Variants in SLFN12 observed in about 807,000 individuals in gnomAD.
The protein encoded by SLFN12 is ribonuclease SLFN12.
SLFN12 carries 25 observed loss-of-function variants against 29.1 expected under a neutral mutation model. The ratio of observed to expected loss-of-function variants is 0.86; its 90% confidence interval spans 0.63 to 1.20. The LOEUF (loss-of-function observed/expected upper bound fraction) is 1.20. SLFN12 is among the 50% of genes most tolerant of loss of function. The pLI, the probability that SLFN12 is intolerant of heterozygous loss-of-function variation, is 0.00. For synonymous variants in SLFN12, 257 were observed against 238.7 expected (o/e 1.08, Z -0.71); for missense variants, 660 against 666.2 (o/e 0.99, Z 0.10).
intron 1 of SLFN12, among the ~76,000 whole-genome samples, chr17:35,424,626 T>C (rs1202507501): frequency 1.3e-5 from 2 of 152,152 alleles, no homozygotes; most frequent in African/African-American, 4.8e-5. Context: ...GTCAGAATAT[T>C]CCTGTCCACA....
rs187730685 is a variant in SLFN12 at position 35,431,032 on chromosome 17, T to C, written c.-41+1156A>G. 1.1e-3 allele frequency among the ~76,000 whole-genome samples: 170 copies of C among 152,232 alleles called. 1 individual carries two copies. The highest frequency in any genetic ancestry group is 3.4e-3 in the Middle Eastern group (1 of 294). On this transcript the variant is annotated intron_variant, in intron 1 of 3. Coordinates refer to ENST00000304905, the MANE Select transcript of SLFN12 (RefSeq NM_018042.5). ...TCTCAGTGAACCATAAAAAGCTTTC[T>C]TTACCTGGTGAAAATACACTGTAGC...
rs868229064 is a variant in SLFN12 at position 35,411,671 on chromosome 17, G to A, written c.1404C>T (p.Gly468=). Reference sequence around the variant, plus strand: ...AGGTTAGGGCAGTTTGTGTAGAATAGCCTTTAAACTCCTCATCCTGTACCA... The same window carrying A: ...AGGTTAGGGCAGTTTGTGTAGAATAACCTTTAAACTCCTCATCCTGTACCA... ...FHMVQDEEFK[G]YSTQTALTLK... is the part of the protein sequence containing the mutation. Residue 468 remains glycine (G), a synonymous_variant, in exon 4 of 4, where the codon GGC becomes GGT. Coordinates refer to ENST00000304905, the MANE Select transcript of SLFN12 (RefSeq NM_018042.5). The A allele has an allele frequency of 4.3e-6, 7 of 1,613,974 alleles. No individual in the cohort carries two copies. The African/African-American group carries it at 6.7e-5, about 15-fold the overall frequency.
intron 1 of SLFN12, among the ~76,000 whole-genome samples, chr17:35,429,517 C>T (rs553509018): frequency 2.5e-4 from 38 of 152,164 alleles, no homozygotes; most frequent in Admixed American, 1.7e-3. Context: ...CACTGAAATC[C>T]TTTATACTTT....
Position 35,432,467 on chromosome 17 carries a change from A to C in SLFN12, c.-320T>G, listed in dbSNP as rs1186715157. ...ACAATGTAAATGAAATAGGAGCCCG[A>C]GATCAGTCTGAATGGTTGCAGAAAG... On this transcript the variant is annotated 5_prime_UTR_variant, in exon 1 of 4. Transcript: ENST00000304905. 2.6e-5 allele frequency: 4 copies of C among 152,166 alleles called. No individual in the cohort carries two copies. Among genetic ancestry groups the C allele is most frequent in the Admixed American group, 2.6e-4 (4 of 15,288 alleles). The allele number at this position is 152,166 out of a possible 1,614,324, so 9.4% of individuals were successfully genotyped here.
chr17:35,423,908 GA>G (rs1223717449), intron 1 of SLFN12, among the ~76,000 whole-genome samples: 2 of 152,078 alleles, frequency 1.3e-5, no homozygotes, highest in Non-Finnish European at 2.9e-5. Flanking sequence ...TCTGCGACAG[GA>G]AAAGGGCCCT....
chr17:35,412,989 CAGCAGACAGAGCAT>C (rs1364327100), intron 3 of SLFN12, among the ~76,000 whole-genome samples: 1 of 150,400 alleles, frequency 6.6e-6, no homozygotes, highest in Non-Finnish European at 1.5e-5. Context: ...TAATATTTAA[CAGCAGACAGAGCAT>C]AGCAGAAAAC....
chr17:35,427,596 C>T (rs1912084605), intron 1 of SLFN12, among the ~76,000 whole-genome samples: 2 of 152,012 alleles, frequency 1.3e-5, no homozygotes, highest in Admixed American at 6.5e-5. Flanking sequence ...CTGCCCAAAA[C>T]GAAAATATAC....
chr17:35,422,826 T>C lies in SLFN12; in HGVS notation c.203A>G (p.Tyr68Cys). 5 of 1,613,956 alleles carry C rather than the reference T, an allele frequency of 3.1e-6. No individual in the cohort carries two copies. The highest frequency in any genetic ancestry group is 3.4e-6 in the Non-Finnish European group (4 of 1,179,936). The change falls in exon 2 of 4, where the codon TAT becomes TGT. Residue 68 changes from tyrosine to cysteine, a missense_variant. By Grantham distance (194) the Tyr-to-Cys change is radical (BLOSUM62 -2). Coordinates refer to ENST00000304905, the MANE Select transcript of SLFN12 (RefSeq NM_018042.5). ...VIKAEIENED[Y>C]SYTKDGIGLD... ...TCCTATTCCATCTTTTGTATAACTA[T>C]AGTCTTCATTCTCAATTTCAGCCTT...
In SLFN12 at chr17:35,411,437, G is replaced by T; in HGVS notation, c.1638C>A (p.Asp546Glu). 1.2e-6 allele frequency: 2 copies of T among 1,612,546 alleles called. No homozygotes were observed. Among genetic ancestry groups the T allele is most frequent in the South Asian group, 2.2e-5 (2 of 90,788 alleles). ...ATAGATTTTCTGCAAAGGAAAACTG[G>T]TCTCTCAGAGACTTGAGTCTCTTTA... is the stretch of plus-strand genomic sequence containing the variant. ...KALKRLKSLR[D>E]QFSFAENLYQ... The change falls in exon 4 of 4, where the codon GAC (aspartate) becomes GAA (glutamate). Residue 546 changes from aspartate to glutamate, a missense_variant. Physicochemically the swap from Asp to Glu is conservative, Grantham distance 45 (BLOSUM62 2). Transcript: ENST00000304905.
At chr17:35,420,766 T>C (rs1911579767) in intron 2 of SLFN12, 1 of 160,330 alleles carries the variant, frequency 6.2e-6, no homozygotes, top group South Asian at 1.8e-4. Flanking sequence ...CTGGTCCAAT[T>C]GCTAGTACTG....
intron 1 of SLFN12, among the ~76,000 whole-genome samples, chr17:35,424,770 A>T (rs541671522): frequency 1.6e-3 from 242 of 152,212 alleles, no homozygotes; most frequent in African/African-American, 5.6e-3. Flanking sequence ...TGAATCCTTT[A>T]GTTCTTTGTC....
chr17:35,432,410 T>G lies in SLFN12; in HGVS notation c.-263A>C, dbSNP rs1912374006. The G allele has an allele frequency of 6.6e-6, 1 of 152,190 alleles. No individual in the cohort carries two copies. The highest frequency in any genetic ancestry group is 6.5e-5 in the Admixed American group (1 of 15,280). 9.4% of individuals were successfully genotyped at this position (152,190 alleles called of 1,614,324 possible). A position where few individuals can be genotyped will look rare whatever the true frequency, so the allele number is the denominator to read the frequency against. On this transcript the variant is annotated 5_prime_UTR_variant, in exon 1 of 4. Transcript: ENST00000304905. ...AATTTTCTGGGGTTTAAGTACCCTCTAAAGTTTTCCCACTGGTTACTTGGT... is the reference window on the plus strand; with the variant it reads ...AATTTTCTGGGGTTTAAGTACCCTCGAAAGTTTTCCCACTGGTTACTTGGT...
chr17:35,423,290 A>T (rs930020362), intron 1 of SLFN12, among the ~76,000 whole-genome samples: 3 of 152,126 alleles, frequency 2.0e-5, no homozygotes, highest in African/African-American at 7.2e-5. Context: ...ATGTATTCTA[A>T]TTATGTAATC....
intron 1 of SLFN12, among the ~76,000 whole-genome samples, chr17:35,425,838 CTTTTTTTT>C (rs58492425): frequency 6.6e-4 from 26 of 39,144 alleles, no homozygotes; most frequent in Admixed American, 2.2e-3. Context: ...CTTTTCTTTT[CTTTTTTTT>C]TTTTTTTTTT....
intron 3 of SLFN12, among the ~76,000 whole-genome samples, chr17:35,413,119 A>T (rs1911122277): frequency 6.6e-6 from 1 of 151,956 alleles, no homozygotes; most frequent in East Asian, 1.9e-4. Flanking sequence ...CGAAACTGTC[A>T]AAAGGTCTAG....
At chr17:35,418,671 C>T (rs1020276424) in intron 3 of SLFN12, among the ~76,000 whole-genome samples, 6 of 147,796 alleles carry the variant, frequency 4.1e-5, no homozygotes, top group South Asian at 2.1e-4. Flanking sequence ...AGTTATACAC[C>T]GATTTTCGAC....
At chr17:35,417,541 T>G (rs867429832) in intron 3 of SLFN12, among the ~76,000 whole-genome samples, 1 of 152,096 alleles carries the variant, frequency 6.6e-6, no homozygotes. Flanking sequence ...TGGGCAAACC[T>G]CAATTTAAAT....
chr17:35,424,409 CTTT>C (rs1911884615), intron 1 of SLFN12, among the ~76,000 whole-genome samples: 1 of 149,672 alleles, frequency 6.7e-6, no homozygotes, highest in South Asian at 2.1e-4. Flanking sequence ...TTAAGTTTAA[CTTT>C]TTTAAAAGTG....
chr17:35,421,830 G>T (rs1049715343), intron 2 of SLFN12, among the ~76,000 whole-genome samples, 160 bp downstream of exon 2: 2 of 151,498 alleles, frequency 1.3e-5, no homozygotes, highest in Admixed American at 1.3e-4. Context: ...GTGAGCCACC[G>T]CGCCTGGCCG....
Sources: allele counts gnomAD v4.1 joint callset (sites outside exome capture counted in the v4.1 genomes callset), GRCh38; gene constraint gnomAD v4.1.1; transcripts MANE v1.5; gene names NCBI Gene and HGNC (gene_info 2026-07-23, HGNC 2026-07-21).